Variants in SPOCK3 observed in about 807,000 individuals in gnomAD.
SPOCK3 encodes SPARC (osteonectin), cwcv and kazal like domains proteoglycan 3, also known as testican-3.
A neutral mutation model predicts 56.6 loss-of-function variants in SPOCK3; 30 were observed. The ratio of observed to expected loss-of-function variants is 0.53; its 90% CI spans 0.40 to 0.72. SPOCK3 has a LOEUF of 0.72. Ranked by LOEUF, SPOCK3 falls within the 30% of genes least tolerant of loss-of-function variation. The pLI, the probability that SPOCK3 is intolerant of heterozygous loss-of-function variation, is 0.00. For missense variants in SPOCK3, 527 were observed against 530.0 expected (o/e 0.99, Z 0.06); for synonymous variants, 196 against 183.3 (o/e 1.07, Z -0.56).
chr4:167,065,060 A>AAAAT (rs58042468), intron 2 of SPOCK3, among the ~76,000 whole-genome samples: 1 of 144,448 alleles, frequency 6.9e-6, no homozygotes, highest in African/African-American at 2.6e-5. Context: ...AAAAAAAAAA[A>AAAAT]GTCAAACGCA....
At chr4:166,751,774 C>T (rs536172464) in intron 8 of SPOCK3, among the ~76,000 whole-genome samples, 160 of 152,144 alleles carry the variant, frequency 1.1e-3, no homozygotes, top group African/African-American at 3.6e-3. Flanking sequence ...TAAAAGTAGA[C>T]ATACTTTTAT....
intron 4 of SPOCK3, among the ~76,000 whole-genome samples, chr4:166,971,360 CTT>C (rs1236759816): frequency 1.3e-5 from 2 of 152,044 alleles, no homozygotes; most frequent in Admixed American, 1.3e-4. Flanking sequence ...GTGCTTGACT[CTT>C]TTAGAAGGCA....
At chr4:167,015,277 C>T (rs1750509650) in intron 3 of SPOCK3, among the ~76,000 whole-genome samples, 1 of 152,092 alleles carries the variant, frequency 6.6e-6, no homozygotes. Flanking sequence ...TTGGGTTTCA[C>T]TACTGGAATC....
intron 3 of SPOCK3, among the ~76,000 whole-genome samples, chr4:167,024,682 C>T (rs2318874): frequency 1.3e-5 from 2 of 151,952 alleles, no homozygotes; most frequent in East Asian, 1.9e-4. Flanking sequence ...ATACAATAGA[C>T]TTTGGGGACT....
chr4:167,142,870 G>A (rs1331751421), intron 2 of SPOCK3, among the ~76,000 whole-genome samples: 1 of 151,862 alleles, frequency 6.6e-6, no homozygotes, highest in Non-Finnish European at 1.5e-5. Context: ...TAAATAAATT[G>A]GAGGATGGAG....
At chr4:166,847,199 C>A (rs764352228) in intron 6 of SPOCK3, among the ~76,000 whole-genome samples, 79 of 152,026 alleles carry the variant, frequency 5.2e-4, no homozygotes, top group Non-Finnish European at 9.9e-4. Flanking sequence ...ATGTAAGTTT[C>A]TTTTTCAAGC....
intron 2 of SPOCK3, among the ~76,000 whole-genome samples, chr4:167,084,084 C>A (rs1056307864): frequency 9.9e-5 from 15 of 151,998 alleles, no homozygotes; most frequent in Non-Finnish European, 2.1e-4. Flanking sequence ...AATAATTAGT[C>A]TCAAATTTCA....
intron 3 of SPOCK3, among the ~76,000 whole-genome samples, chr4:167,040,698 A>G (rs372314526): frequency 5.3e-5 from 8 of 152,366 alleles, no homozygotes; most frequent in East Asian, 3.9e-4. Flanking sequence ...GTAAAGAAAT[A>G]TAAATGTAAA....
intron 4 of SPOCK3, among the ~76,000 whole-genome samples, chr4:166,945,105 C>T (rs891872014): frequency 6.6e-6 from 1 of 152,090 alleles, no homozygotes; most frequent in African/African-American, 2.4e-5. Flanking sequence ...GTTATTGGCT[C>T]ATGTTGTTAA....
At chr4:167,029,727 T>A (rs1752080554) in intron 3 of SPOCK3, among the ~76,000 whole-genome samples, 1 of 152,016 alleles carries the variant, frequency 6.6e-6, no homozygotes, top group Admixed American at 6.6e-5. Context: ...TTGCTGTTCT[T>A]CAATAAGGAT....
At chr4:167,105,463 T>TAAAAAAAAAAAAAAAAAAAAAAAAAAATA (rs552028589) in intron 2 of SPOCK3, among the ~76,000 whole-genome samples, 1 of 98,686 alleles carries the variant, frequency 1.0e-5, no homozygotes, top group African/African-American at 4.2e-5. Context: ...ACACAAAAAT[T>TAAAAAAAAAAAAAAAAAAAAAAAAAAATA]AAAAAAAAAA....
chr4:167,187,738 CCTT>C (rs1296752043), intron 2 of SPOCK3, among the ~76,000 whole-genome samples: 2 of 151,932 alleles, frequency 1.3e-5, no homozygotes, highest in Admixed American at 1.3e-4. Flanking sequence ...AAAATGAACT[CCTT>C]TATTATCAAA....
intron 2 of SPOCK3, among the ~76,000 whole-genome samples, chr4:167,066,623 T>C (rs1156838005): frequency 6.6e-6 from 1 of 151,910 alleles, no homozygotes; most frequent in Non-Finnish European, 1.5e-5. Flanking sequence ...TGGGTTTTTT[T>C]CTCCAAAATA....
At chr4:166,863,634 C>T (rs564035669) in intron 6 of SPOCK3, among the ~76,000 whole-genome samples, 47 of 152,092 alleles carry the variant, frequency 3.1e-4, no homozygotes, top group East Asian at 3.9e-4. Flanking sequence ...GCAGGGGTTG[C>T]AATCCTAGTC....
At chr4:167,160,650 G>C (rs188315051) in intron 2 of SPOCK3, among the ~76,000 whole-genome samples, 1 of 152,040 alleles carries the variant, frequency 6.6e-6, no homozygotes, top group African/African-American at 2.4e-5. Flanking sequence ...ATACTACAAG[G>C]CTACAGTAAC....
intron 2 of SPOCK3, among the ~76,000 whole-genome samples, chr4:167,098,736 G>C (rs113151844): frequency 6.6e-6 from 1 of 151,304 alleles, no homozygotes; most frequent in African/African-American, 2.4e-5. Context: ...TAATTAACTC[G>C]CTTTATCATC....
At chr4:167,214,553 TC>T (rs1264574784) in intron 2 of SPOCK3, among the ~76,000 whole-genome samples, 2 of 152,188 alleles carry the variant, frequency 1.3e-5, no homozygotes, top group Non-Finnish European at 2.9e-5. Flanking sequence ...ATTTGGTTTT[TC>T]CCAAGTGATT....
intron 2 of SPOCK3, among the ~76,000 whole-genome samples, chr4:167,120,485 T>C (rs1761774497): frequency 6.6e-6 from 1 of 152,028 alleles, no homozygotes; most frequent in Non-Finnish European, 1.5e-5. Context: ...CATGTTAAAG[T>C]AGTAATGACT....
At chr4:167,057,852 C>T (rs1580154161) in intron 3 of SPOCK3, among the ~76,000 whole-genome samples, 1 of 151,994 alleles carries the variant, frequency 6.6e-6, no homozygotes, top group African/African-American at 2.4e-5. Flanking sequence ...CCTTTAACAC[C>T]CCACTGTCAA....
Sources: allele counts gnomAD v4.1 joint callset (sites outside exome capture counted in the v4.1 genomes callset), GRCh38; gene constraint gnomAD v4.1.1; transcripts MANE v1.5; gene names NCBI Gene and HGNC (gene_info 2026-07-23, HGNC 2026-07-21).